NALF2: variants seen among roughly 807,000 people sequenced by gnomAD.
NALF2 encodes bB57D9.1 (TED protein).
Under a neutral mutation model 24.8 loss-of-function variants are expected in NALF2, and 1 was observed. The ratio of observed to expected loss-of-function variants is 0.04; its 90% CI spans 0.01 to 0.19. The LOEUF (loss-of-function observed/expected upper bound fraction) is 0.19. Ranked by LOEUF, NALF2 falls within the 10% of genes least tolerant of loss-of-function variation. NALF2 has a pLI of 1.00. For missense variants in NALF2, 458 were observed against 409.6 expected (o/e 1.12, Z -1.02); for synonymous variants, 254 against 189.8 (o/e 1.34, Z -2.78).
chrX:69,507,828 TTTTG>T (rs886676105), intron 1 of NALF2, among the ~76,000 whole-genome samples: 1 of 111,207 alleles, frequency 9.0e-6, no homozygotes, highest in Non-Finnish European at 1.9e-5. Context: ...TGGCCCTGTT[TTTTG>T]TTTGTTTGTT....
Position 69,529,863 on chromosome X carries a change from T to C in NALF2, c.1326T>C (p.His442=), listed in dbSNP as rs1476019637. 8.3e-7 allele frequency: 1 copy of C among 1,211,032 alleles called. No homozygotes were observed. The highest frequency in any genetic ancestry group is 1.8e-5 in the South Asian group (1 of 56,938). ...GCGTCCTTGTTCTCATGCTCCTCCA[T>C]ACCGTGGTGTCCTTCTCCAGCAACC... The part of the protein sequence containing the change: ...RLCVLVLMLL[H]TVVSFSSNQG... The change falls in exon 3 of 3, where the codon CAT becomes CAC. Residue 442 remains histidine (H), a synonymous_variant. Coordinates refer to ENST00000252338, the MANE Select transcript of NALF2 (RefSeq NM_015686.3).
rs763234982 is a variant in NALF2 at position 69,529,116 on chromosome X, G to A, written c.985G>A (p.Asp329Asn). The A allele has an allele frequency of 1.2e-5, 14 of 1,208,920 alleles. No individual in the cohort carries two copies. The highest frequency in any genetic ancestry group is 3.5e-5 in the African/African-American group (2 of 57,140). ...VQTRCPFILPDNEEMVYGGLP... is the reference protein window; with the variant it reads ...VQTRCPFILPNNEEMVYGGLP... The stretch of plus-strand genomic sequence containing the variant: ...GACCCGGTGCCCCTTTATACTCCCC[G>A]ACAATGAGGAAATGGTGTACGGAGG... The change falls in exon 2 of 3, where the codon GAC becomes AAC. Residue 329 changes from aspartate (D) to asparagine (N), a missense_variant. Coordinates refer to ENST00000252338, the MANE Select transcript of NALF2 (RefSeq NM_015686.3).
chrX:69,523,023 G>A (rs989153860), intron 1 of NALF2, among the ~76,000 whole-genome samples: 2 of 112,638 alleles, frequency 1.8e-5, no homozygotes, highest in South Asian at 3.7e-4. Flanking sequence ...ATCCCCATGT[G>A]TAGCTCACAT....
chrX:69,506,878 G>A (rs956278416), intron 1 of NALF2, among the ~76,000 whole-genome samples: 2 of 112,764 alleles, frequency 1.8e-5, no homozygotes, highest in Admixed American at 9.3e-5. Flanking sequence ...GACAGTGGGG[G>A]GAACACTGGC....
At chrX:69,528,449 C>T (rs137986171) in intron 1 of NALF2, among the ~76,000 whole-genome samples, 4,751 of 111,637 alleles carry the variant, frequency 0.043, 91 homozygotes, top group Middle Eastern at 0.089. Context: ...CTCACATTTA[C>T]ATTACACTTC....
chrX:69,525,871 C>T (rs1206873685), intron 1 of NALF2, among the ~76,000 whole-genome samples: 1 of 108,874 alleles, frequency 9.2e-6, no homozygotes, highest in African/African-American at 3.4e-5. Context: ...AACTGCCACT[C>T]TCTCATACCC....
At chrX:69,514,105 A>T (rs951708551) in intron 1 of NALF2, among the ~76,000 whole-genome samples, 6 of 109,594 alleles carry the variant, frequency 5.5e-5, no homozygotes, top group African/African-American at 2.0e-4. Context: ...CAGGAGAATC[A>T]CTTGAACCTG....
Position 69,505,766 on chromosome X carries a change from C to T in NALF2, c.484C>T (p.Pro162Ser). 8.3e-7 allele frequency: 1 copy of T among 1,211,625 alleles called. No homozygotes were observed. ...GCAGAGACTTTTCGAACCGACTACT[C>T]CGGCCCCCCCTCTGCGGCCCCCTGA... ...SLQRLFEPTT[P>S]APPLRPPDSL... Residue 162 changes from proline to serine, a missense_variant, in exon 1 of 3, where the codon CCG becomes TCG. Transcript: ENST00000252338.
At chrX:69,512,143 G>C (rs1400118890) in intron 1 of NALF2, among the ~76,000 whole-genome samples, 1 of 111,650 alleles carries the variant, frequency 9.0e-6, no homozygotes, top group Non-Finnish European at 1.9e-5. Flanking sequence ...TGGGGATCTG[G>C]ACAAATCTGG....
rs1203047525 is a variant in NALF2, at chrX:69,530,087, TC to T, written c.*138del. Reference sequence around the variant, plus strand: ...GCGGGGGAAATGGGGGAATGACACATCCCCCCCAACCTACCCCCACCCCAAA... The same window carrying T: ...GCGGGGGAAATGGGGGAATGACACATCCCCCCAACCTACCCCCACCCCAAA... On this transcript the variant is annotated 3_prime_UTR_variant, in exon 3 of 3. Coordinates refer to ENST00000252338, the MANE Select transcript of NALF2 (RefSeq NM_015686.3). 6.6e-4 allele frequency: 320 copies of T among 482,773 alleles called. No individual in the cohort carries two copies. The highest frequency in any genetic ancestry group is 8.3e-4 in the Non-Finnish European group (253 of 304,957). The allele number at this position is 482,773 out of a possible 1,213,427, so 39.8% of individuals were successfully genotyped here.
chrX:69,512,177 A>T lies in NALF2; in HGVS notation c.861+6034A>T, dbSNP rs763068933. 4.5e-5 allele frequency among the ~76,000 whole-genome samples: 5 copies of T among 111,874 alleles called. No homozygotes were observed. The South Asian group carries it at 1.9e-3, about 43-fold the overall frequency. On this transcript the variant is annotated intron_variant, in intron 1 of 2. Coordinates refer to ENST00000252338, the MANE Select transcript of NALF2 (RefSeq NM_015686.3). ...GGACCCCTACAAGCACCATTCTCCG[A>T]TGCTGGCCTGGTAGGTCTCTGGGGA...
In NALF2 at chrX:69,529,578, G is replaced by A. The variant is rs1160168100; in HGVS notation, c.1041G>A (p.Leu347=). ...GLPGFICTGL[L]DTSPKRLETK... ...TTCCTTATCCATTGGCAGGGTTGCTGGATACTTCACCAAAGCGTCTGGAAA... is the reference window on the plus strand; with the variant it reads ...TTCCTTATCCATTGGCAGGGTTGCTAGATACTTCACCAAAGCGTCTGGAAA... The change falls in exon 3 of 3, where the codon CTG becomes CTA. Residue 347 remains leucine, a synonymous_variant. Transcript: ENST00000252338. 8.3e-7 allele frequency: 1 copy of A among 1,207,503 alleles called. No homozygotes were observed. Among genetic ancestry groups the A allele is most frequent in the Admixed American group, 2.2e-5 (1 of 45,841 alleles).
chrX:69,529,382 T>A (rs1930859880), intron 2 of NALF2, among the ~76,000 whole-genome samples, 189 bp from the exon 3 acceptor site: 1 of 109,812 alleles, frequency 9.1e-6, no homozygotes, highest in African/African-American at 3.3e-5. Context: ...GTCCAGGGAG[T>A]CATCCCAAAG....
intron 1 of NALF2, among the ~76,000 whole-genome samples, chrX:69,522,685 A>T (rs1274870836): frequency 8.9e-6 from 1 of 112,047 alleles, no homozygotes; most frequent in East Asian, 2.8e-4. Context: ...TATGTCCATG[A>T]TCTCCTTCCT....
intron 1 of NALF2, among the ~76,000 whole-genome samples, chrX:69,519,387 G>C (rs1240815266): frequency 9.0e-6 from 1 of 110,900 alleles, no homozygotes; most frequent in Non-Finnish European, 1.9e-5. Flanking sequence ...AGATGAGTAA[G>C]ATACAATCTG....
Position 69,505,390 on chromosome X carries a change from C to T in NALF2, c.108C>T (p.Asp36=). Residue 36 remains aspartate (D), a synonymous_variant, in exon 1 of 3, where the codon GAC becomes GAT. Coordinates refer to ENST00000252338, the MANE Select transcript of NALF2 (RefSeq NM_015686.3). ...APRPSDKPCA[D]SERAQRWRLS... is the part of the protein sequence containing the mutation. ...GGCCGAGCGACAAACCTTGCGCCGA[C>T]TCCGAGCGGGCGCAGCGATGGCGAC... The T allele has an allele frequency of 8.6e-7, 1 of 1,159,422 alleles. No homozygotes were observed. Among genetic ancestry groups the T allele is most frequent in the East Asian group, 3.3e-5 (1 of 30,156 alleles).
At position 69,505,603 on chromosome X, in the gene NALF2, C is replaced by T. The variant is rs1236137025; in HGVS notation, c.321C>T (p.Pro107=). The change falls in exon 1 of 3, where the codon CCC becomes CCT. Residue 107 remains proline, a synonymous_variant. Coordinates refer to ENST00000252338, the MANE Select transcript of NALF2 (RefSeq NM_015686.3). The stretch of plus-strand genomic sequence containing the variant: ...TGCCGCCGCCGCCGCCCGGCGAGCC[C>T]AGCGCGCCCCCAGGCACCTGCGGCC... The part of the protein sequence containing the change: ...LPLPPPPPGE[P]SAPPGTCGPR... The T allele has an allele frequency of 7.3e-6, 8 of 1,089,030 alleles. No homozygotes were observed. In the African/African-American group the frequency reaches 1.2e-4, roughly 16 times the overall value. The allele number at this position is 1,089,030 out of a possible 1,213,427, so 89.7% of individuals were successfully genotyped here.
At chrX:69,513,909 C>G (rs1930624636) in intron 1 of NALF2, among the ~76,000 whole-genome samples, 2 of 111,567 alleles carry the variant, frequency 1.8e-5, no homozygotes, top group Admixed American at 1.9e-4. Flanking sequence ...ACAAGAACTC[C>G]CAGCCGGGCG....
chrX:69,510,217 C>T (rs1930560893), intron 1 of NALF2, among the ~76,000 whole-genome samples: 1 of 112,263 alleles, frequency 8.9e-6, no homozygotes, highest in African/African-American at 3.2e-5. Context: ...GCAAAGCTTG[C>T]TCATTGAACA....
Sources: allele counts gnomAD v4.1 joint callset (sites outside exome capture counted in the v4.1 genomes callset), GRCh38; gene constraint gnomAD v4.1.1; transcripts MANE v1.5; gene names NCBI Gene and HGNC (gene_info 2026-07-23, HGNC 2026-07-21).